The following AKAP19 variants were observed in gnomAD, a reference collection of about 807,000 sequenced individuals.
AKAP19 encodes the protein A-kinase anchoring protein 19, also known as small A-kinase anchoring protein.
At chr2:190,199,685 T>G in the AKAP19 span, 1 of 1,415,144 alleles carries the variant, frequency 7.1e-7, no homozygotes, top group Non-Finnish European at 9.2e-7. Context: ...GAAACCTACC[T>G]TCTCTTGACA....
chr2:189,971,864 T>G, the AKAP19 span, among the ~76,000 whole-genome samples: 1 of 152,032 alleles, frequency 6.6e-6, no homozygotes, highest in Non-Finnish European at 1.5e-5. Flanking sequence ...TTGAGTTCTT[T>G]GTAGATTCTG....
chr2:190,143,549 C>G, the AKAP19 span, among the ~76,000 whole-genome samples: 3 of 152,154 alleles, frequency 2.0e-5, no homozygotes, highest in Admixed American at 2.0e-4. Flanking sequence ...CTGATTTGAA[C>G]TCTTTGAAAG....
the AKAP19 span, among the ~76,000 whole-genome samples, chr2:190,177,662 C>T: frequency 2.6e-5 from 4 of 152,160 alleles, no homozygotes; most frequent in East Asian, 1.9e-4. This position sits in a 1 kb window ranked among gnomAD's most constrained non-coding sequence, Gnocchi z 4.6. Context: ...AAACCAGTGG[C>T]GGGAGTCAGC....
the AKAP19 span, among the ~76,000 whole-genome samples, chr2:190,177,454 C>A: frequency 6.6e-6 from 1 of 152,154 alleles, no homozygotes; most frequent in Non-Finnish European, 1.5e-5. The surrounding 1 kb of genome is among the most constrained non-coding windows in gnomAD (Gnocchi z 4.6). Flanking sequence ...CTTGTAAGAG[C>A]CCCAGTGGCA....
the AKAP19 span, among the ~76,000 whole-genome samples, chr2:189,957,802 A>G: frequency 6.6e-6 from 1 of 152,092 alleles, no homozygotes; most frequent in South Asian, 2.1e-4. Context: ...AAGACAAGCT[A>G]CTGTGAAAAT....
chr2:190,010,636 A>G, the AKAP19 span, among the ~76,000 whole-genome samples: 1 of 152,240 alleles, frequency 6.6e-6, no homozygotes, highest in African/African-American at 2.4e-5. Flanking sequence ...GTGGTTGTAT[A>G]GAAAATATGG....
the AKAP19 span, among the ~76,000 whole-genome samples, chr2:189,955,506 G>A: frequency 5.9e-5 from 9 of 152,086 alleles, no homozygotes; most frequent in Non-Finnish European, 2.9e-5. Context: ...GGGTCAAATG[G>A]TAGCTGTATT....
chr2:190,142,475 C>T, the AKAP19 span, among the ~76,000 whole-genome samples: 7 of 152,154 alleles, frequency 4.6e-5, no homozygotes, highest in African/African-American at 9.7e-5. Flanking sequence ...AAACTCTTGC[C>T]ACCACTCTTT....
At chr2:190,070,698 A>G in the AKAP19 span, among the ~76,000 whole-genome samples, 1 of 151,282 alleles carries the variant, frequency 6.6e-6, no homozygotes. Flanking sequence ...TAAGACCCAA[A>G]ATCTATGTTA....
At chr2:189,949,172 C>A in the AKAP19 span, among the ~76,000 whole-genome samples, 1 of 152,136 alleles carries the variant, frequency 6.6e-6, no homozygotes, top group Admixed American at 6.6e-5. Context: ...TCAGTATCTG[C>A]GGGTTTCACA....
chr2:190,068,119 C>T, the AKAP19 span, among the ~76,000 whole-genome samples: 1 of 152,084 alleles, frequency 6.6e-6, no homozygotes, highest in East Asian at 1.9e-4. Context: ...GACTCAAAGA[C>T]TTGCTGTTAA....
At chr2:189,929,913 C>T in the AKAP19 span, among the ~76,000 whole-genome samples, 2 of 152,126 alleles carry the variant, frequency 1.3e-5, no homozygotes, top group South Asian at 4.2e-4. Flanking sequence ...AAAGTTATTT[C>T]ATTTAGGAAA....
chr2:190,193,190 T>A, the AKAP19 span, among the ~76,000 whole-genome samples: 14 of 151,704 alleles, frequency 9.2e-5, no homozygotes, highest in African/African-American at 2.2e-4. Flanking sequence ...TTTATCAAAA[T>A]TTTTTTTCTG....
the AKAP19 span, among the ~76,000 whole-genome samples, chr2:190,152,784 C>A: frequency 3.1e-3 from 473 of 152,194 alleles, no homozygotes; most frequent in East Asian, 7.5e-3. Context: ...TCTAAGTTAA[C>A]TTTTATATCC....
the AKAP19 span, among the ~76,000 whole-genome samples, chr2:189,920,709 CA>C: frequency 1.3e-5 from 2 of 152,040 alleles, no homozygotes; most frequent in Admixed American, 6.5e-5. Context: ...CTTTTTTGTT[CA>C]AATTCTCCAG....
the AKAP19 span, among the ~76,000 whole-genome samples, chr2:190,038,938 T>TTCTTCTTCTTCTTCTTCTTCC: frequency 6.5e-5 from 9 of 137,756 alleles, 1 homozygote; most frequent in African/African-American, 2.6e-4. Context: ...CTTCTTCTTC[T>TTCTTCTTCTTCTTCTTCTTCC]TCTTCTTCTT....
chr2:190,055,640 AC>A, the AKAP19 span: 1 of 152,208 alleles, frequency 6.6e-6, no homozygotes, highest in Non-Finnish European at 1.5e-5. Flanking sequence ...AAACAATTAG[AC>A]TTTTATAATA....
chr2:189,979,672 A>G, the AKAP19 span, among the ~76,000 whole-genome samples: 1 of 152,176 alleles, frequency 6.6e-6, no homozygotes, highest in African/African-American at 2.4e-5. Context: ...CAAACTATAC[A>G]CTTGACATAG....
At chr2:189,914,264 G>A in the AKAP19 span, among the ~76,000 whole-genome samples, 1 of 151,994 alleles carries the variant, frequency 6.6e-6, no homozygotes, top group Non-Finnish European at 1.5e-5. Flanking sequence ...ATCTTAAAGT[G>A]TTTCATAATG....
Sources: gnomAD v4.1 joint callset for allele counts (sites outside exome capture counted in the v4.1 genomes callset) on GRCh38, gnomAD v4.1.1 for gene constraint, Gnocchi (gnomAD v3.1) non-coding constraint, MANE v1.5 for transcripts, NCBI Gene and HGNC (gene_info 2026-07-23, HGNC 2026-07-21) for gene names.